The following ELF2 variants were observed in gnomAD, a reference collection of about 807,000 sequenced individuals.
The protein encoded by ELF2 is E74 like ETS transcription factor 2.
A neutral mutation model predicts 54.8 loss-of-function variants in ELF2; 11 were observed. The observed-to-expected ratio is 0.20, with a 90% CI of 0.13 to 0.33. The LOEUF (loss-of-function observed/expected upper bound fraction) is 0.33, where lower values mean the gene tolerates loss of function less well. Ranked by LOEUF, ELF2 falls within the 10% of genes least tolerant of loss-of-function variation. ELF2 has a pLI of 1.00. For synonymous variants in ELF2, 203 were observed against 245.1 expected (o/e 0.83, Z 1.61); for missense variants, 513 against 703.0 (o/e 0.73, Z 3.06).
In ELF2 at chr4:139,176,964, T is replaced by C. The variant is rs1743018441; in HGVS notation, c.-252+3A>G. The C allele has an allele frequency of 6.6e-6, 1 of 152,020 alleles. No individual in the cohort carries two copies. The allele number at this position is 152,020 out of a possible 1,614,324, so 9.4% of individuals were successfully genotyped here. On this transcript the variant is annotated splice_donor_region_variant and intron_variant, in intron 1 of 9. Transcript: ENST00000686138. ...CACCAGCCTCGGCTGCCCGCGCTCT[T>C]ACCTGCTCTCCGCGACGCCTGGGAA... is the stretch of plus-strand genomic sequence containing the variant.
chr4:139,152,472 C>G (rs1740101884), intron 1 of ELF2, among the ~76,000 whole-genome samples: 2 of 152,116 alleles, frequency 1.3e-5, no homozygotes, highest in South Asian at 4.2e-4. Context: ...GCTGGGACCA[C>G]AGGCATACAC....
Position 139,059,576 on chromosome 4 carries a change from C to T in ELF2, c.1189G>A (p.Val397Ile), listed in dbSNP as rs1409980784. 2 of 1,612,596 alleles carry T rather than the reference C, an allele frequency of 1.2e-6. No individual in the cohort carries two copies. The highest frequency in any genetic ancestry group is 1.3e-5 in the African/African-American group (1 of 74,894). The change falls in exon 10 of 10, where the codon GTA (valine) becomes ATA (isoleucine). Residue 397 changes from valine to isoleucine, a missense_variant. Coordinates refer to ENST00000686138, the MANE Select transcript of ELF2 (RefSeq NM_001331036.3). ...ATTTTCTGACCCAATGATGTCATTA[C>T]AACAGGTACCTGCATTGCCACACGA... is the stretch of plus-strand genomic sequence containing the variant. ...TVRVAMQVPV[V>I]MTSLGQKIST...
chr4:139,075,720 C>A (rs1444221220), intron 4 of ELF2, among the ~76,000 whole-genome samples: 2 of 152,172 alleles, frequency 1.3e-5, no homozygotes, highest in Non-Finnish European at 2.9e-5. Flanking sequence ...TGAGCCATCA[C>A]GCCAGGCAGG....
chr4:139,174,778 T>C (rs925782360), intron 1 of ELF2, among the ~76,000 whole-genome samples: 5 of 152,242 alleles, frequency 3.3e-5, no homozygotes, highest in Non-Finnish European at 5.9e-5. Flanking sequence ...GCAAATACTA[T>C]GTCAGTTTTA....
At chr4:139,142,948 G>C (rs1479023400) in intron 1 of ELF2, among the ~76,000 whole-genome samples, 1 of 152,112 alleles carries the variant, frequency 6.6e-6, no homozygotes, top group East Asian at 1.9e-4. Context: ...GATGTGGATT[G>C]ACTGCTATGA....
chr4:139,128,202 T>C (rs1055002140), intron 3 of ELF2, among the ~76,000 whole-genome samples: 5 of 151,616 alleles, frequency 3.3e-5, no homozygotes, highest in Non-Finnish European at 5.9e-5. Flanking sequence ...TTGAACCCAG[T>C]AGGTGAAGGC....
At chr4:139,115,326 G>A (rs1735558064) in intron 4 of ELF2, 2 of 1,485,828 alleles carry the variant, frequency 1.3e-6, no homozygotes, top group Non-Finnish European at 1.8e-6. Context: ...CCCGGCCCGG[G>A]GGCCGGGGTC....
upstream of ELF2, among the ~76,000 whole-genome samples, chr4:139,177,419 G>A (rs1256464036): frequency 6.6e-6 from 1 of 151,846 alleles, no homozygotes. Context: ...TCAAACGCGG[G>A]CCGGCTATTT....
chr4:139,176,144 G>A (rs1742891880), intron 1 of ELF2, among the ~76,000 whole-genome samples: 2 of 152,180 alleles, frequency 1.3e-5, no homozygotes, highest in Admixed American at 1.3e-4. Flanking sequence ...GACCAGCTTC[G>A]CGAGGATCCA....
intron 4 of ELF2, among the ~76,000 whole-genome samples, chr4:139,092,998 C>T (rs1449777702): frequency 6.8e-6 from 1 of 147,570 alleles, no homozygotes; most frequent in Non-Finnish European, 1.5e-5. Context: ...AAGAGTCTCG[C>T]TCTGTCGCCC....
intron 4 of ELF2, among the ~76,000 whole-genome samples, chr4:139,096,718 C>T (rs928615756): frequency 2.0e-5 from 3 of 151,850 alleles, no homozygotes; most frequent in Non-Finnish European, 2.9e-5. Flanking sequence ...AATCTGCCCA[C>T]CTCAGCCTCC....
intron 1 of ELF2, among the ~76,000 whole-genome samples, chr4:139,153,759 C>T (rs1740252219): frequency 6.6e-6 from 1 of 152,182 alleles, no homozygotes; most frequent in African/African-American, 2.4e-5. Flanking sequence ...AGAAGTCATT[C>T]CTCCACTCAC....
intron 4 of ELF2, among the ~76,000 whole-genome samples, chr4:139,093,498 A>G (rs907412105): frequency 6.6e-6 from 1 of 152,234 alleles, no homozygotes; most frequent in Admixed American, 6.5e-5. Context: ...GCAGATAAAG[A>G]CAGGAAAGTA....
At position 139,060,691 on chromosome 4, in the gene ELF2, T is replaced by C; in HGVS notation, c.807-17A>G. 4 of 1,553,782 alleles carry C rather than the reference T, an allele frequency of 2.6e-6. No homozygotes were observed. Among genetic ancestry groups the C allele is most frequent in the Non-Finnish European group, 3.5e-6 (4 of 1,150,686 alleles). On this transcript the variant is annotated splice_polypyrimidine_tract_variant and intron_variant, in intron 8 of 9. Transcript: ENST00000686138. ...TAGTAGTATCTGTAAGGGGAAAATG[T>C]ACCAAATGAATCAAGTATATTATTT...
rs1005493852 is a variant in ELF2, at chr4:139,058,772, T to TAAG, written c.*208_*210dup. 2.4e-5 allele frequency: 15 copies of TAAG among 617,778 alleles called. No homozygotes were observed. In the African/African-American group the frequency reaches 2.6e-4, roughly 11 times the overall value. The allele number at this position is 617,778 out of a possible 1,614,324, so 38.3% of individuals were successfully genotyped here. On this transcript the variant is annotated 3_prime_UTR_variant, in exon 10 of 10. Transcript: ENST00000686138. The stretch of plus-strand genomic sequence containing the variant: ...TGATGGGTTCAGTTGTTTCCTACTG[T>TAAG]AAGAGGCAGTTTTCTGTCAGCATCT...
At chr4:139,146,341 G>A (rs772227092) in intron 1 of ELF2, among the ~76,000 whole-genome samples, 1 of 152,074 alleles carries the variant, frequency 6.6e-6, no homozygotes, top group South Asian at 2.1e-4. Context: ...ATCTCTACAA[G>A]AAGAACTACA....
At chr4:139,098,763 C>T (rs752412393) in intron 4 of ELF2, among the ~76,000 whole-genome samples, 6 of 152,160 alleles carry the variant, frequency 3.9e-5, no homozygotes, top group Non-Finnish European at 7.3e-5. Context: ...CCACCGTGCC[C>T]GGCCGATATT....
At chr4:139,156,537 A>T (rs1357231314) in intron 1 of ELF2, among the ~76,000 whole-genome samples, 1 of 151,562 alleles carries the variant, frequency 6.6e-6, no homozygotes, top group Non-Finnish European at 1.5e-5. Flanking sequence ...GACTAATAAC[A>T]GCTTAAATAT....
At chr4:139,073,767 A>G (rs1202275539) in intron 4 of ELF2, 200 bp from the exon 5 acceptor site, 1 of 298,368 alleles carries the variant, frequency 3.4e-6, no homozygotes, top group African/African-American at 2.2e-5. Context: ...TAATATCTAC[A>G]TTTTATAAAA....
Sources: gnomAD v4.1 joint callset for allele counts (sites outside exome capture counted in the v4.1 genomes callset) on GRCh38, gnomAD v4.1.1 for gene constraint, MANE v1.5 for transcripts, NCBI Gene and HGNC (gene_info 2026-07-23, HGNC 2026-07-21) for gene names.